The following ST7 variants were observed in gnomAD, a reference collection of about 807,000 sequenced individuals.
ST7 encodes suppressor of tumorigenicity 7 protein.
In ST7, 28 loss-of-function variants were observed where a neutral mutation model predicts 78.7. The ratio of observed to expected loss-of-function variants is 0.36; its 90% CI spans 0.26 to 0.49. The LOEUF is 0.49. Among genes scored for constraint, ST7 ranks in the 20% least tolerant of loss-of-function variants. ST7 has a pLI of 0.99. For missense variants in ST7, 418 were observed against 696.0 expected, an observed-to-expected ratio of 0.60 and a Z score of 4.49; for synonymous variants, 247 against 249.6, an observed-to-expected ratio of 0.99 and a Z score of 0.10.
At position 116,966,459 on chromosome 7, in the gene ST7, C is replaced by T. The variant is rs370959248; in HGVS notation, c.151+12768C>T. 3.9e-5 allele frequency among the ~76,000 whole-genome samples: 6 copies of T among 152,124 alleles called. No individual in the cohort carries two copies. The East Asian group carries it at 5.8e-4, about 15-fold the overall frequency. ...AGAGACGATGTTGCACTATGTTGGC[C>T]AGGCTGGTCTTGAACTCCTGACCTC... On this transcript the variant is annotated intron_variant, in intron 1 of 15. Coordinates refer to ENST00000323984, the MANE Select transcript of ST7 (RefSeq NM_001369598.1).
chr7:117,026,098 A>G (rs1445903083), intron 1 of ST7, among the ~76,000 whole-genome samples: 8 of 152,220 alleles, frequency 5.3e-5, no homozygotes, highest in African/African-American at 1.9e-4. Flanking sequence ...TATGGGGAAA[A>G]TTACCATATA....
At chr7:117,032,934 A>G (rs965493953) in intron 1 of ST7, among the ~76,000 whole-genome samples, 2 of 152,210 alleles carry the variant, frequency 1.3e-5, no homozygotes. Context: ...TTGTAAATAT[A>G]TAACGCAGTG....
chr7:117,195,151 A>G (rs1238166557), intron 12 of ST7, among the ~76,000 whole-genome samples: 1 of 142,518 alleles, frequency 7.0e-6, no homozygotes, highest in Non-Finnish European at 1.5e-5. Context: ...TACTTTTACT[A>G]TTTAAAAAAA....
chr7:117,171,682 G>A (rs1389427714), intron 10 of ST7, among the ~76,000 whole-genome samples: 2 of 150,750 alleles, frequency 1.3e-5, no homozygotes, highest in Non-Finnish European at 3.0e-5. Flanking sequence ...TTGATTAATT[G>A]GACAAAAATT....
At chr7:117,097,908 A>ATATATAT in intron 1 of ST7, among the ~76,000 whole-genome samples, 2 of 30,020 alleles carry the variant, frequency 6.7e-5, no homozygotes, top group Non-Finnish European at 1.1e-4. Context: ...ATATATATAT[A>ATATATAT]TTTTTTTTTT....
At chr7:116,972,488 G>T in intron 1 of ST7, 1 of 906,392 alleles carries the variant, frequency 1.1e-6, no homozygotes, top group Non-Finnish European at 1.8e-6. Context: ...TCCTCTGTGC[G>T]TTCCAAGTCT....
intron 1 of ST7, among the ~76,000 whole-genome samples, chr7:117,097,842 ATG>A (rs1318903042): frequency 3.2e-5 from 4 of 123,146 alleles, no homozygotes; most frequent in African/African-American, 1.2e-4. Flanking sequence ...ATATATATAT[ATG>A]TATGACATAT....
intron 6 of ST7, 141 bp downstream of exon 6, chr7:117,132,101 GTT>G: frequency 1.4e-6 from 1 of 726,188 alleles, no homozygotes; most frequent in Non-Finnish European, 2.1e-6. Context: ...ATTTAAAAAA[GTT>G]TTTTTTTTAA....
intron 1 of ST7, among the ~76,000 whole-genome samples, chr7:116,964,051 A>T (rs1445420697): frequency 6.6e-5 from 10 of 152,192 alleles, no homozygotes; most frequent in Middle Eastern, 3.2e-3. Context: ...TTTATTATTT[A>T]AAAAAATTAA....
intron 14 of ST7, 28 bp from the exon 15 acceptor site, chr7:117,221,895 G>A (rs201569344): frequency 6.3e-7 from 1 of 1,592,368 alleles, no homozygotes; most frequent in Non-Finnish European, 8.5e-7. Context: ...CTCCAGCCCT[G>A]ATATTTCCCT....
chr7:117,184,782 C>G (rs754065537), intron 10 of ST7, among the ~76,000 whole-genome samples: 6 of 152,032 alleles, frequency 3.9e-5, no homozygotes, highest in Admixed American at 2.0e-4. Context: ...TGAAAATGAA[C>G]AAGGTCTGTA....
At chr7:117,054,456 G>A (rs1319591504) in intron 1 of ST7, among the ~76,000 whole-genome samples, 1 of 152,216 alleles carries the variant, frequency 6.6e-6, no homozygotes, top group African/African-American at 2.4e-5. Context: ...CATCCCGGAG[G>A]TGGAGGTGGG....
chr7:117,020,474 G>A (rs879588743), intron 1 of ST7: 22 of 1,058,334 alleles, frequency 2.1e-5, no homozygotes, highest in Non-Finnish European at 2.8e-5. Flanking sequence ...GGACTGCATT[G>A]TCTGGCTTCA....
At chr7:117,015,804 G>A (rs76572825) in intron 1 of ST7, among the ~76,000 whole-genome samples, 12,626 of 152,140 alleles carry the variant, frequency 0.083, 568 homozygotes, top group East Asian at 0.13. Context: ...GGGGAATGGC[G>A]ACATTGTTTG....
chr7:117,097,539 G>C (rs995224190), intron 1 of ST7, among the ~76,000 whole-genome samples: 1 of 151,612 alleles, frequency 6.6e-6, no homozygotes, highest in Non-Finnish European at 1.5e-5. Flanking sequence ...GGCTAGGCTG[G>C]TCTCAAACTC....
At chr7:117,207,049 C>T (rs1027708056) in intron 12 of ST7, among the ~76,000 whole-genome samples, 6 of 152,054 alleles carry the variant, frequency 3.9e-5, no homozygotes, top group South Asian at 2.1e-4. Context: ...GTATTGAAAA[C>T]GGATGGCACA....
chr7:116,955,551 A>G (rs1461061378), intron 1 of ST7, among the ~76,000 whole-genome samples: 2 of 152,222 alleles, frequency 1.3e-5, no homozygotes, highest in Non-Finnish European at 2.9e-5. Context: ...CCACCTTTCA[A>G]CACTTTTGCA....
intron 1 of ST7, among the ~76,000 whole-genome samples, chr7:117,078,360 A>C (rs1481814319): frequency 6.6e-6 from 1 of 152,262 alleles, no homozygotes; most frequent in Admixed American, 6.5e-5. Flanking sequence ...TGTTTTTACA[A>C]CTTTAGTTTT....
chr7:117,201,502 T>A (rs1810842541), intron 12 of ST7, among the ~76,000 whole-genome samples: 1 of 151,762 alleles, frequency 6.6e-6, no homozygotes. Context: ...TCCTATTTCA[T>A]CTCTCCTCAG....
Sources: allele counts gnomAD v4.1 joint callset (sites outside exome capture counted in the v4.1 genomes callset), GRCh38; gene constraint gnomAD v4.1.1; transcripts MANE v1.5; gene names NCBI Gene and HGNC (gene_info 2026-07-23, HGNC 2026-07-21).